The following MAGED1 variants were observed in gnomAD, a reference collection of about 807,000 sequenced individuals.
The protein encoded by MAGED1 is melanoma-associated antigen D1.
In MAGED1, 3 loss-of-function variants were observed where a neutral mutation model predicts 54.1. The observed-to-expected ratio is 0.06, with a 90% CI of 0.03 to 0.14. The LOEUF (loss-of-function observed/expected upper bound fraction) is 0.14. MAGED1 is among the 10% of genes least tolerant of loss of function. The probability of loss-of-function intolerance (pLI) is 1.00; values close to 1 mark genes in which losing one functional copy is unlikely to be tolerated. For missense variants in MAGED1, 485 were observed against 623.4 expected, an observed-to-expected ratio of 0.78 and a Z score of 2.36; for synonymous variants, 217 against 227.3, an observed-to-expected ratio of 0.95 and a Z score of 0.41.
At chrX:51,811,099 G>A (rs1004671668) in intron 1 of MAGED1, among the ~76,000 whole-genome samples, 6 of 111,849 alleles carry the variant, frequency 5.4e-5, no homozygotes, top group Non-Finnish European at 1.1e-4. Context: ...GTTAGGAGAT[G>A]TCTATTTCGT....
At chrX:51,865,924 T>A (rs782259596) in intron 1 of MAGED1, among the ~76,000 whole-genome samples, 22 of 111,836 alleles carry the variant, frequency 2.0e-4, no homozygotes, top group African/African-American at 7.1e-4. Context: ...CTCTTCCTCC[T>A]GCTCTGGCCA....
intron 1 of MAGED1, among the ~76,000 whole-genome samples, chrX:51,841,707 G>T (rs1236946310): frequency 1.3e-4 from 14 of 111,150 alleles, no homozygotes; most frequent in African/African-American, 3.6e-4. Context: ...TTTCCCCATT[G>T]CTTGTTTTTG....
chrX:51,872,054 T>A (rs1178979380), intron 1 of MAGED1, among the ~76,000 whole-genome samples: 3 of 112,406 alleles, frequency 2.7e-5, no homozygotes, highest in African/African-American at 9.7e-5. Context: ...TAATGTGTTT[T>A]TTGGCTGCAT....
At chrX:51,875,621 A>C (rs1557361941) in intron 1 of MAGED1, among the ~76,000 whole-genome samples, 1 of 111,854 alleles carries the variant, frequency 8.9e-6, no homozygotes, top group East Asian at 2.8e-4. Context: ...GAGACCTGTT[A>C]GATAATTATT....
upstream of MAGED1, among the ~76,000 whole-genome samples, chrX:51,892,882 A>G (rs1928497667): frequency 9.0e-6 from 1 of 110,929 alleles, no homozygotes; most frequent in African/African-American, 3.3e-5. Context: ...GATCTGCAAA[A>G]TAGGGGTGCT....
intron 1 of MAGED1, among the ~76,000 whole-genome samples, chrX:51,853,566 A>C (rs782576959): frequency 1.2e-3 from 137 of 112,402 alleles, no homozygotes; most frequent in African/African-American, 4.1e-3. Context: ...CTTTCAAGGC[A>C]GCCAAAATGA....
intron 1 of MAGED1, among the ~76,000 whole-genome samples, chrX:51,864,725 G>A (rs781994722): frequency 1.9e-4 from 21 of 111,318 alleles, no homozygotes; most frequent in African/African-American, 5.9e-4. Flanking sequence ...TATTATAAAT[G>A]GGATTATTTT....
At chrX:51,809,781 A>G (rs1264643333) in intron 1 of MAGED1, among the ~76,000 whole-genome samples, 2 of 111,187 alleles carry the variant, frequency 1.8e-5, no homozygotes, top group Non-Finnish European at 3.8e-5. Context: ...TGGTTTTAGC[A>G]GCCATTGATG....
intron 1 of MAGED1, among the ~76,000 whole-genome samples, chrX:51,863,227 T>C (rs1319949287): frequency 8.9e-6 from 1 of 112,207 alleles, no homozygotes; most frequent in Non-Finnish European, 1.9e-5. Flanking sequence ...TATTTGTCTT[T>C]CCGTGTTTGG....
At chrX:51,806,306 T>C (rs1024997332) in intron 1 of MAGED1, among the ~76,000 whole-genome samples, 1 of 112,005 alleles carries the variant, frequency 8.9e-6, no homozygotes, top group African/African-American at 3.2e-5. Flanking sequence ...AACTCGGCTG[T>C]GTAACCAGCA....
At chrX:51,876,663 A>C (rs1304388141) in intron 1 of MAGED1, among the ~76,000 whole-genome samples, 1 of 111,771 alleles carries the variant, frequency 8.9e-6, no homozygotes, top group African/African-American at 3.2e-5. Flanking sequence ...AATGAATACC[A>C]GTAGCATGAC....
intron 1 of MAGED1, chrX:51,870,957 C>T (rs1424199946): frequency 2.7e-5 from 3 of 112,473 alleles, no homozygotes; most frequent in African/African-American, 9.7e-5. Context: ...AAGAATAAAA[C>T]CAAACTAAAT....
chrX:51,804,981 C>T (rs984858821), intron 1 of MAGED1, among the ~76,000 whole-genome samples: 2 of 112,096 alleles, frequency 1.8e-5, no homozygotes, highest in Non-Finnish European at 3.8e-5. Flanking sequence ...ATTAATTCAA[C>T]GCTCTGCATA....
At chrX:51,846,820 C>G (rs1182967410) in intron 1 of MAGED1, among the ~76,000 whole-genome samples, 1 of 111,431 alleles carries the variant, frequency 9.0e-6, no homozygotes, top group African/African-American at 3.3e-5. Flanking sequence ...TGGTGCTAAA[C>G]CATTCATGAG....
Position 51,822,167 on chromosome X carries a change from G to A in MAGED1, c.-37+19050G>A, listed in dbSNP as rs782071501. Among the ~76,000 whole-genome samples, 36 of 111,707 alleles carry A rather than the reference G, an allele frequency of 3.2e-4. 1 individual carries two copies. The South Asian group carries it at 0.013, about 40-fold the overall frequency. On this transcript the variant is annotated intron_variant, in intron 1 of 12. Coordinates refer to the MAGED1 transcript ENST00000375772. ...TTGTGTAGAATTTAGCAGTGAAGCCGTCTTGGCCTTGGCTTTTATTTGTGG... is the reference window on the plus strand; with the variant it reads ...TTGTGTAGAATTTAGCAGTGAAGCCATCTTGGCCTTGGCTTTTATTTGTGG...
At chrX:51,857,266 C>T (rs1382516697) in intron 1 of MAGED1, 1 of 111,681 alleles carries the variant, frequency 9.0e-6, no homozygotes, top group Non-Finnish European at 1.9e-5. Context: ...AAAACTTTCC[C>T]AATGCTGGAC....
chrX:51,865,028 A>C (rs1557360986), intron 1 of MAGED1, among the ~76,000 whole-genome samples: 1 of 112,180 alleles, frequency 8.9e-6, no homozygotes, highest in African/African-American at 3.2e-5. Flanking sequence ...TGTCTTGTTC[A>C]TGATCTTAGA....
chrX:51,840,601 C>T (rs1166955251), intron 1 of MAGED1, among the ~76,000 whole-genome samples: 2 of 105,067 alleles, frequency 1.9e-5, no homozygotes, highest in African/African-American at 6.9e-5. Flanking sequence ...CACCCCACAA[C>T]GGTCCCCAGA....
upstream of MAGED1, among the ~76,000 whole-genome samples, chrX:51,890,721 A>G (rs147105552): frequency 7.1e-3 from 783 of 111,042 alleles, 4 homozygotes; most frequent in African/African-American, 0.025. Flanking sequence ...AGCATATTAC[A>G]AAATAAATCT....
Sources: gnomAD v4.1 joint callset for allele counts (sites outside exome capture counted in the v4.1 genomes callset) on GRCh38, gnomAD v4.1.1 for gene constraint, MANE v1.5 for transcripts, NCBI Gene and HGNC (gene_info 2026-07-23, HGNC 2026-07-21) for gene names.